PARPBP: variants seen among roughly 807,000 people sequenced by gnomAD.
PARPBP encodes the protein PCNA-interacting partner.
PARPBP carries 52 observed loss-of-function variants against 50.0 expected under a neutral mutation model. The ratio of observed to expected loss-of-function variants is 1.04; its 90% confidence interval spans 0.83 to 1.31. The LOEUF is 1.31. PARPBP is among the 50% of genes most tolerant of loss of function. PARPBP has a pLI of 0.00. For missense variants in PARPBP, 697 were observed against 672.0 expected (o/e 1.04, Z -0.41); for synonymous variants, 244 against 232.1 (o/e 1.05, Z -0.47).
intron 2 of PARPBP, among the ~76,000 whole-genome samples, chr12:102,140,183 G>T (rs1212019842): frequency 6.6e-6 from 1 of 152,148 alleles, no homozygotes; most frequent in African/African-American, 2.4e-5. Context: ...TCTATTCAGG[G>T]ATTCAACTTC....
chr12:102,151,255 C>T (rs1280573505), intron 3 of PARPBP, among the ~76,000 whole-genome samples: 3 of 152,122 alleles, frequency 2.0e-5, no homozygotes, highest in Non-Finnish European at 4.4e-5. Context: ...AGGCAGTGCA[C>T]CTGCGTGGGC....
intron 6 of PARPBP, among the ~76,000 whole-genome samples, chr12:102,170,632 G>A (rs1251642961): frequency 6.6e-6 from 1 of 152,110 alleles, no homozygotes; most frequent in East Asian, 1.9e-4. Context: ...ATGAAGGCCT[G>A]GAACATTATT....
chr12:102,184,908 T>A (rs561190465), intron 9 of PARPBP, among the ~76,000 whole-genome samples: 8 of 152,178 alleles, frequency 5.3e-5, no homozygotes, highest in Non-Finnish European at 1.0e-4. Context: ...TCTTTTGGCA[T>A]ATAGTGGTTT....
At chr12:102,182,319 T>C (rs1889902818) in intron 8 of PARPBP, among the ~76,000 whole-genome samples, 1 of 152,176 alleles carries the variant, frequency 6.6e-6, no homozygotes, top group Non-Finnish European at 1.5e-5. Flanking sequence ...GCTAATTCCA[T>C]GTTTAAGATA....
chr12:102,138,612 T>C (rs1428326152), intron 2 of PARPBP, among the ~76,000 whole-genome samples: 1 of 152,226 alleles, frequency 6.6e-6, no homozygotes, highest in Non-Finnish European at 1.5e-5. Context: ...AGGGTTTTTA[T>C]GGTTTTAGGT....
At chr12:102,161,680 G>A (rs1476512054) in intron 4 of PARPBP, among the ~76,000 whole-genome samples, 1 of 152,074 alleles carries the variant, frequency 6.6e-6, no homozygotes, top group Non-Finnish European at 1.5e-5. Flanking sequence ...CAGCACTTTG[G>A]GAGGTCAAGG....
At chr12:102,181,209 C>T (rs1889796772) in intron 8 of PARPBP, among the ~76,000 whole-genome samples, 3 of 152,150 alleles carry the variant, frequency 2.0e-5, no homozygotes, top group Admixed American at 1.3e-4. Flanking sequence ...TTCTATTCTT[C>T]ACAATATCTT....
chr12:102,139,461 G>C (rs1884203154), intron 2 of PARPBP, among the ~76,000 whole-genome samples: 2 of 152,176 alleles, frequency 1.3e-5, no homozygotes, highest in South Asian at 4.1e-4. Flanking sequence ...TTTCCTAAAT[G>C]AATACCCTTT....
rs1889659399 is a variant in PARPBP, at chr12:102,179,893, C to T, written c.1184+1123C>T. On this transcript the variant is annotated intron_variant, in intron 8 of 10. Coordinates refer to ENST00000327680, the MANE Select transcript of PARPBP (RefSeq NM_017915.5). ...TATTTAGTACACTGTAGAGAATTTT[C>T]ACAAAATTATCGTACCGCTTGATCT... Among the ~76,000 whole-genome samples the T allele has an allele frequency of 2.6e-5, 4 of 152,152 alleles. No homozygotes were observed. In the South Asian group the frequency reaches 8.3e-4, roughly 32 times the overall value.
Position 102,148,432 on chromosome 12 carries a change from C to A in PARPBP, c.356C>A (p.Ser119Tyr). The change falls in exon 3 of 11, where the codon TCT (serine) becomes TAT (tyrosine). Residue 119 changes from serine (S) to tyrosine (Y), a missense_variant. Coordinates refer to ENST00000327680, the MANE Select transcript of PARPBP (RefSeq NM_017915.5). ...DVYQKCRALTSNCENYNTVSP... is the reference protein window; with the variant it reads ...DVYQKCRALTYNCENYNTVSP... ...TATCAAAAATGTAGGGCTTTGACTT[C>A]TAATTGTGAAAATTATAACACAGTA... is the stretch of plus-strand genomic sequence containing the variant. 3 of 1,481,150 alleles carry A rather than the reference C, an allele frequency of 2.0e-6. No individual in the cohort carries two copies. The highest frequency in any genetic ancestry group is 2.8e-6 in the Non-Finnish European group (3 of 1,064,896). 91.8% of individuals were successfully genotyped at this position (1,481,150 alleles called of 1,614,324 possible).
chr12:102,163,250 CGTATAGT>C lies in PARPBP; in HGVS notation c.496-1187_496-1181del, dbSNP rs547297474. On this transcript the variant is annotated intron_variant, in intron 4 of 10. Coordinates refer to ENST00000327680, the MANE Select transcript of PARPBP (RefSeq NM_017915.5). ...ACTACTCTATCTTAATTATTGTAAT[CGTATAGT>C]AATTTAGATTGTTTCTCAGCATTTT... Among the ~76,000 whole-genome samples, 217 of 152,226 alleles carry C rather than the reference CGTATAGT, an allele frequency of 1.4e-3. 1 individual carries two copies. Among genetic ancestry groups the C allele is most frequent in the Admixed American group, 3.0e-3 (46 of 15,280 alleles).
At chr12:102,177,479 T>A (rs986838709) in intron 7 of PARPBP, among the ~76,000 whole-genome samples, 1 of 152,122 alleles carries the variant, frequency 6.6e-6, no homozygotes, top group Non-Finnish European at 1.5e-5. Flanking sequence ...TGCTTACATG[T>A]ATCTATACAT....
At chr12:102,189,086 A>G (rs1357067926) in intron 9 of PARPBP, among the ~76,000 whole-genome samples, 2 of 152,210 alleles carry the variant, frequency 1.3e-5, no homozygotes, top group African/African-American at 2.4e-5. Context: ...TCCCAGAATG[A>G]GAGGAGAAAA....
At chr12:102,144,961 A>G (rs1885155701) in intron 2 of PARPBP, among the ~76,000 whole-genome samples, 1 of 152,102 alleles carries the variant, frequency 6.6e-6, no homozygotes. Flanking sequence ...ATGAAATAGA[A>G]TTAATTTCCA....
At chr12:102,163,101 T>A (rs1031486859) in intron 4 of PARPBP, among the ~76,000 whole-genome samples, 3 of 152,252 alleles carry the variant, frequency 2.0e-5, no homozygotes, top group African/African-American at 7.2e-5. Flanking sequence ...CACCAATTAT[T>A]GAAAAGACTG....
chr12:102,125,581 A>G (rs996080143), intron 2 of PARPBP, among the ~76,000 whole-genome samples: 1 of 152,172 alleles, frequency 6.6e-6, no homozygotes, highest in Non-Finnish European at 1.5e-5. Context: ...TAAAAAGGCC[A>G]ATACAGCTGT....
At chr12:102,158,571 T>C (rs567519205) in intron 4 of PARPBP, among the ~76,000 whole-genome samples, 14 of 152,330 alleles carry the variant, frequency 9.2e-5, no homozygotes, top group Non-Finnish European at 1.6e-4. Context: ...TGGTTCCTTT[T>C]AGAGATTTGT....
intron 2 of PARPBP, among the ~76,000 whole-genome samples, chr12:102,127,840 A>G (rs1291564982): frequency 6.6e-6 from 1 of 152,220 alleles, no homozygotes. Flanking sequence ...TCACAGCCTA[A>G]TTCAGCCTTT....
chr12:102,132,255 A>C (rs1422869314), intron 2 of PARPBP, among the ~76,000 whole-genome samples: 2 of 152,010 alleles, frequency 1.3e-5, no homozygotes, highest in Non-Finnish European at 2.9e-5. Flanking sequence ...CTATGACATG[A>C]ATTTACCTGT....
Sources: allele counts gnomAD v4.1 joint callset (sites outside exome capture counted in the v4.1 genomes callset), GRCh38; gene constraint gnomAD v4.1.1; transcripts MANE v1.5; gene names NCBI Gene and HGNC (gene_info 2026-07-23, HGNC 2026-07-21).